NEK11: variants seen among roughly 807,000 people sequenced by gnomAD.
The protein encoded by NEK11 is serine/threonine-protein kinase Nek11.
Under a neutral mutation model 80.7 loss-of-function variants are expected in NEK11, and 72 were observed. That is an observed-to-expected ratio of 0.89 (90% CI 0.74 to 1.08). NEK11 has a LOEUF of 1.08. Among genes scored for constraint, NEK11 ranks in the 50% least tolerant of loss-of-function variants. NEK11 has a pLI of 0.00. For synonymous variants in NEK11, 251 were observed against 260.7 expected (o/e 0.96, Z 0.36); for missense variants, 764 against 763.6 (o/e 1.00, Z -0.01).
intron 17 of NEK11, among the ~76,000 whole-genome samples, chr3:131,275,787 A>G (rs1003252705): frequency 1.3e-5 from 2 of 152,250 alleles, no homozygotes; most frequent in Non-Finnish European, 2.9e-5. Flanking sequence ...TGCTCAGCAT[A>G]TGGATGGCAA....
intron 14 of NEK11, among the ~76,000 whole-genome samples, chr3:131,209,673 A>C (rs2150501428): frequency 6.6e-6 from 1 of 152,176 alleles, no homozygotes; most frequent in South Asian, 2.1e-4. Flanking sequence ...TCTGTTATTG[A>C]TCTATTCAGG....
At chr3:131,045,931 CT>C (rs1251486097) in intron 3 of NEK11, among the ~76,000 whole-genome samples, 1 of 152,116 alleles carries the variant, frequency 6.6e-6, no homozygotes. Flanking sequence ...GCTACTCCTC[CT>C]TGCTTTTGGT....
At chr3:131,332,398 C>G (rs1293694560) in intron 17 of NEK11, among the ~76,000 whole-genome samples, 4 of 152,190 alleles carry the variant, frequency 2.6e-5, no homozygotes, top group African/African-American at 9.7e-5. Context: ...AGACCTGCAG[C>G]TGAGGGTCCT....
At position 131,109,591 on chromosome 3, in the gene NEK11, A is replaced by G. The variant is rs78244078; in HGVS notation, c.337-212A>G. The G allele has an allele frequency of 1.0e-2, 4,567 of 457,932 alleles. 196 individuals are homozygous for G. The highest frequency in any genetic ancestry group is 0.085 in the African/African-American group (4,125 of 48,572). 28.4% of individuals were successfully genotyped at this position (457,932 alleles called of 1,614,324 possible). ...AACTATTAATAGATTCGTGTTTGTT[A>G]AAGTCTTTATAGGTTAATGTTGAGG... On this transcript the variant is annotated intron_variant, in intron 4 of 17. Transcript: ENST00000383366.
At chr3:131,163,446 G>A (rs376613684) in intron 11 of NEK11, among the ~76,000 whole-genome samples, 1 of 152,124 alleles carries the variant, frequency 6.6e-6, no homozygotes, top group African/African-American at 2.4e-5. Context: ...GCAACAACAT[G>A]GATGAACCTG....
chr3:131,327,323 G>C (rs935052072), intron 17 of NEK11: 10 of 152,208 alleles, frequency 6.6e-5, no homozygotes, highest in South Asian at 2.1e-4. Context: ...TTTGCAGAAG[G>C]TATGGATAAA....
At chr3:131,032,108 T>G (rs2064949102) in intron 3 of NEK11, among the ~76,000 whole-genome samples, 1 of 151,984 alleles carries the variant, frequency 6.6e-6, no homozygotes, top group East Asian at 1.9e-4. Context: ...ATTACAGGCA[T>G]GCACCACCAC....
chr3:131,227,563 C>T (rs1026611602), intron 14 of NEK11, among the ~76,000 whole-genome samples: 2 of 152,058 alleles, frequency 1.3e-5, no homozygotes, highest in African/African-American at 4.8e-5. Flanking sequence ...CATATTTTTC[C>T]CACTAGACCA....
At chr3:131,143,591 C>A (rs948793383) in intron 7 of NEK11, among the ~76,000 whole-genome samples, 2 of 137,400 alleles carry the variant, frequency 1.5e-5, no homozygotes, top group Non-Finnish European at 3.5e-5. Context: ...TCTACTGTTT[C>A]CCCCCAAATG....
At chr3:131,052,878 C>T (rs7649149) in intron 3 of NEK11, among the ~76,000 whole-genome samples, 25,061 of 152,024 alleles carry the variant, frequency 0.16, 2,179 homozygotes, top group Middle Eastern at 0.2. Context: ...CACTGGGTTC[C>T]ACAACATTGA....
At chr3:131,190,736 G>A (rs983351390) in intron 14 of NEK11, among the ~76,000 whole-genome samples, 9 of 152,126 alleles carry the variant, frequency 5.9e-5, no homozygotes, top group African/African-American at 1.9e-4. Flanking sequence ...GTTTAGTGGG[G>A]CATTGAATCT....
chr3:131,089,027 A>G (rs1205318294), intron 4 of NEK11, among the ~76,000 whole-genome samples: 2 of 152,242 alleles, frequency 1.3e-5, no homozygotes, highest in Non-Finnish European at 2.9e-5. Context: ...ATGTTATTGT[A>G]AAATGACTCT....
intron 14 of NEK11, among the ~76,000 whole-genome samples, chr3:131,197,399 C>T (rs555087287): frequency 6.6e-6 from 1 of 152,082 alleles, no homozygotes; most frequent in South Asian, 2.1e-4. Context: ...TCATGGACTG[C>T]GTCTGGGGCT....
At position 131,228,604 on chromosome 3, in the gene NEK11, G is replaced by C. The variant is rs145914506; in HGVS notation, c.1476G>C (p.Glu492Asp). Reference protein sequence around the residue: ...AFDSYCEESDEEEEEIALERP... With the variant: ...AFDSYCEESDDEEEEIALERP... ...ATTCCTATTGTGAAGAGAGTGATGAGGAGGAAGAAGAAATAGCGTTAGAAA... is the reference window on the plus strand; with the variant it reads ...ATTCCTATTGTGAAGAGAGTGATGACGAGGAAGAAGAAATAGCGTTAGAAA... Residue 492 changes from glutamate (E) to aspartate (D), a missense_variant, in exon 15 of 18, where the codon GAG becomes GAC. By Grantham distance (45) the Glu-to-Asp change is conservative. Transcript: ENST00000383366. 4 of 1,613,424 alleles carry C rather than the reference G, an allele frequency of 2.5e-6. No homozygotes were observed. In the South Asian group the frequency reaches 3.3e-5, roughly 13 times the overall value.
At position 131,105,277 on chromosome 3, in the gene NEK11, C is replaced by T. The variant is rs116562146; in HGVS notation, c.337-4526C>T. 5.1e-3 allele frequency among the ~76,000 whole-genome samples: 770 copies of T among 152,300 alleles called. 4 individuals are homozygous for T. Among genetic ancestry groups the T allele is most frequent in the Middle Eastern group, 0.014 (4 of 294 alleles). On this transcript the variant is annotated intron_variant, in intron 4 of 17. Transcript: ENST00000383366. ...ATTTCCTGTTAAAAGTAGACCAGTA[C>T]CTCAAGAAAAAGTTGTTTTAACATA...
intron 3 of NEK11, among the ~76,000 whole-genome samples, chr3:131,054,852 C>G (rs182793618): frequency 6.6e-6 from 1 of 152,150 alleles, no homozygotes; most frequent in East Asian, 1.9e-4. Context: ...GGGGTTTTAT[C>G]ATTTAGGTTG....
chr3:131,118,081 G>A (rs759596011), intron 5 of NEK11, among the ~76,000 whole-genome samples: 19 of 152,086 alleles, frequency 1.2e-4, no homozygotes, highest in Non-Finnish European at 1.9e-4. Flanking sequence ...TCCAGTTTTT[G>A]CCCATTCAGT....
At chr3:131,109,313 G>C (rs920108159) in intron 4 of NEK11, 1 of 152,466 alleles carries the variant, frequency 6.6e-6, no homozygotes, top group East Asian at 1.9e-4. Flanking sequence ...CCTGAGCAGA[G>C]TCAAGGAAGT....
chr3:131,104,651 G>T (rs1036812205), intron 4 of NEK11, among the ~76,000 whole-genome samples: 2 of 152,118 alleles, frequency 1.3e-5, no homozygotes, highest in Non-Finnish European at 2.9e-5. Flanking sequence ...TCAGCACCGT[G>T]CGTGTGGTAC....
Sources: allele counts gnomAD v4.1 joint callset (sites outside exome capture counted in the v4.1 genomes callset), GRCh38; gene constraint gnomAD v4.1.1; transcripts MANE v1.5; gene names NCBI Gene and HGNC (gene_info 2026-07-23, HGNC 2026-07-21).